ZFHX3: variants seen among roughly 807,000 people sequenced by gnomAD.
ZFHX3 encodes zinc finger homeobox 3, also known as zinc finger homeobox protein 3.
ZFHX3 carries 42 observed loss-of-function variants against 279.1 expected under a neutral mutation model. That is an observed-to-expected ratio of 0.15 (90% confidence interval 0.12 to 0.19). ZFHX3 has a LOEUF of 0.19. Ranked by LOEUF, ZFHX3 falls within the 10% of genes least tolerant of loss-of-function variation. The probability of loss-of-function intolerance (pLI) is 1.00; values close to 1 mark genes in which losing one functional copy is unlikely to be tolerated. For synonymous variants in ZFHX3, 2,293 were observed against 1,957.8 expected (o/e 1.17, Z -4.52); for missense variants, 4,981 against 4,754.0 (o/e 1.05, Z -1.40).
At chr16:73,574,362 C>A (rs971142676) in intron 2 of ZFHX3, among the ~76,000 whole-genome samples, 10 of 152,122 alleles carry the variant, frequency 6.6e-5, no homozygotes, top group Non-Finnish European at 1.3e-4. Context: ...CCAGCATCCA[C>A]TGAATCAGAG....
chr16:73,619,637 T>C (rs2052339245), intron 2 of ZFHX3, among the ~76,000 whole-genome samples: 1 of 152,048 alleles, frequency 6.6e-6, no homozygotes. Context: ...TTGGCTTCCT[T>C]ATCCAAATCC....
At chr16:73,059,581 TTTAAA>T (rs1965655136) in exon 1 of ZFHX3, 1 of 138,620 alleles carries the variant, frequency 7.2e-6, no homozygotes, top group African/African-American at 2.7e-5. Context: ...CGCAGCAATG[TTTAAA>T]TTAACTAGGA....
At chr16:73,776,187 T>C (rs986040552) in intron 1 of ZFHX3, among the ~76,000 whole-genome samples, 3 of 152,166 alleles carry the variant, frequency 2.0e-5, no homozygotes, top group African/African-American at 7.2e-5. Flanking sequence ...CTCCACGTCC[T>C]CCTGGGTCTG....
At chr16:73,574,193 G>T (rs764114001) in intron 2 of ZFHX3, among the ~76,000 whole-genome samples, 4 of 152,092 alleles carry the variant, frequency 2.6e-5, no homozygotes, top group African/African-American at 7.2e-5. Flanking sequence ...AAAAAGAAAT[G>T]GTCTCATTAT....
intron 3 of ZFHX3, among the ~76,000 whole-genome samples, chr16:73,421,599 T>C (rs2143493008): frequency 6.6e-6 from 1 of 152,176 alleles, no homozygotes; most frequent in South Asian, 2.1e-4. Flanking sequence ...CCAGTAAAAA[T>C]CAACAGAAAA....
At chr16:73,687,409 G>C (rs906685813) in intron 1 of ZFHX3, among the ~76,000 whole-genome samples, 1 of 151,384 alleles carries the variant, frequency 6.6e-6, no homozygotes, top group Non-Finnish European at 1.5e-5. Context: ...TCCAAACGAT[G>C]GGTCATTTAT....
rs1206908779 is a variant in ZFHX3, at chr16:72,958,118, G to A, written c.2028C>T (p.Cys676=). 3.1e-6 allele frequency: 5 copies of A among 1,614,058 alleles called. No individual in the cohort carries two copies. The highest frequency in any genetic ancestry group is 8.5e-7 in the Non-Finnish European group (1 of 1,180,042). Residue 676 remains cysteine (C), a synonymous_variant, in exon 2 of 10, where the codon TGC becomes TGT. Coordinates refer to ENST00000268489, the MANE Select transcript of ZFHX3 (RefSeq NM_006885.4). ...TCTGCTGGTACTTATAGTGCCAGTTGCACTTGGGGCACTTGAGTGTCTTAC... is the reference window on the plus strand; with the variant it reads ...TCTGCTGGTACTTATAGTGCCAGTTACACTTGGGGCACTTGAGTGTCTTAC... ...NSCKTLKCPK[C]NWHYKYQQTL...
At chr16:73,822,988 G>A (rs554158558) in intron 1 of ZFHX3, among the ~76,000 whole-genome samples, 2 of 152,294 alleles carry the variant, frequency 1.3e-5, no homozygotes, top group South Asian at 2.1e-4. Context: ...CATACGTCAT[G>A]CACTGGGCTA....
intron 1 of ZFHX3, among the ~76,000 whole-genome samples, chr16:73,858,471 G>A (rs1961797670): frequency 6.6e-6 from 1 of 152,168 alleles, no homozygotes; most frequent in South Asian, 2.1e-4. Flanking sequence ...CATTTTGAAA[G>A]GAAATGATTA....
intron 4 of ZFHX3, among the ~76,000 whole-genome samples, chr16:72,873,666 G>C (rs1450800614): frequency 6.6e-6 from 1 of 152,100 alleles, no homozygotes; most frequent in Non-Finnish European, 1.5e-5. Flanking sequence ...AAAAGCCTAA[G>C]TGCCTATTGT....
chr16:73,832,061 C>A (rs1016162147), intron 1 of ZFHX3, among the ~76,000 whole-genome samples: 3 of 152,088 alleles, frequency 2.0e-5, no homozygotes, highest in Non-Finnish European at 4.4e-5. Context: ...CCACCACACC[C>A]GGCTAATTTT....
In ZFHX3 at chr16:72,793,883, A is replaced by G. The variant is rs1211047509; in HGVS notation, c.8799T>C (p.Ser2933=). The change falls in exon 9 of 10, where the codon TCT becomes TCC. Residue 2933 remains serine, a synonymous_variant. Transcript: ENST00000268489. This position sits in a 1 kb window ranked among gnomAD's most constrained non-coding sequence, Gnocchi z 4.3. ...PCSPSPGASG[S]AGKSGDSGDR... Reference sequence around the variant, plus strand: ...CTCCGCTGTCACCAGATTTGCCTGCAGATCCACTCGCACCAGGACTCGGGG... The same window carrying G: ...CTCCGCTGTCACCAGATTTGCCTGCGGATCCACTCGCACCAGGACTCGGGG... 1 of 1,614,082 alleles carries G rather than the reference A, an allele frequency of 6.2e-7. No individual in the cohort carries two copies. The highest frequency in any genetic ancestry group is 1.3e-5 in the African/African-American group (1 of 74,918).
In ZFHX3 at chr16:73,595,303, C is replaced by T. The variant is rs140678404; in HGVS notation, c.-1547+84877G>A. On this transcript the variant is annotated intron_variant, in intron 2 of 17. Transcript: ENST00000641206. ...CACATCCCATGGGCCAGATGATGGCCTCAAATGTCCTCTAGCAAAGTGTAC... is the reference window on the plus strand; with the variant it reads ...CACATCCCATGGGCCAGATGATGGCTTCAAATGTCCTCTAGCAAAGTGTAC... Among the ~76,000 whole-genome samples the T allele has an allele frequency of 1.4e-3, 219 of 152,282 alleles. 2 individuals carry two copies. Among genetic ancestry groups the T allele is most frequent in the African/African-American group, 5.1e-3 (210 of 41,560 alleles).
intron 4 of ZFHX3, among the ~76,000 whole-genome samples, chr16:73,299,568 T>C (rs2015004242): frequency 6.6e-6 from 1 of 152,130 alleles, no homozygotes; most frequent in African/African-American, 2.4e-5. Context: ...GGGGCAGGCC[T>C]GAGTCTCTGG....
chr16:73,820,050 C>G (rs1960688401), intron 1 of ZFHX3, among the ~76,000 whole-genome samples: 1 of 152,130 alleles, frequency 6.6e-6, no homozygotes, highest in African/African-American at 2.4e-5. Flanking sequence ...CCATGTCTGA[C>G]AAATGCAACA....
intron 3 of ZFHX3, among the ~76,000 whole-genome samples, chr16:73,358,282 G>A (rs1484664627): frequency 6.6e-6 from 1 of 152,344 alleles, no homozygotes; most frequent in East Asian, 1.9e-4. Flanking sequence ...ATAGAATATG[G>A]CAAAAGTGAA....
At chr16:73,495,634 G>A (rs1274106216) in intron 2 of ZFHX3, among the ~76,000 whole-genome samples, 6 of 152,032 alleles carry the variant, frequency 3.9e-5, no homozygotes, top group Non-Finnish European at 8.8e-5. Flanking sequence ...TCAACACGCT[G>A]GTCCCTAACA....
chr16:73,442,310 C>T (rs1362354785), intron 3 of ZFHX3, among the ~76,000 whole-genome samples: 1 of 151,724 alleles, frequency 6.6e-6, no homozygotes, highest in Non-Finnish European at 1.5e-5. Flanking sequence ...ACCTTTTCTC[C>T]TTGCATCTTT....
intron 5 of ZFHX3, among the ~76,000 whole-genome samples, chr16:73,241,634 C>T (rs1326138542): frequency 1.3e-5 from 2 of 151,858 alleles, no homozygotes; most frequent in African/African-American, 4.8e-5. Context: ...CTACTAAAAA[C>T]ACAAAATAAG....
Sources: allele counts gnomAD v4.1 joint callset (sites outside exome capture counted in the v4.1 genomes callset), GRCh38; gene constraint gnomAD v4.1.1; non-coding constraint Gnocchi (gnomAD v3.1); transcripts MANE v1.5; gene names NCBI Gene and HGNC (gene_info 2026-07-23, HGNC 2026-07-21).